Variants in ITGAE observed in about 807,000 individuals in gnomAD.
The protein encoded by ITGAE is integrin alpha-E.
Under a neutral mutation model 136.5 loss-of-function variants are expected in ITGAE, and 99 were observed. The observed-to-expected ratio is 0.73, with a 90% CI of 0.62 to 0.86. The LOEUF (loss-of-function observed/expected upper bound fraction) is 0.86, where lower values mean the gene tolerates loss of function less well. Ranked by LOEUF, ITGAE falls within the 40% of genes least tolerant of loss-of-function variation. The pLI, the probability that ITGAE is intolerant of heterozygous loss-of-function variation, is 0.00. For missense variants in ITGAE, 1,447 were observed against 1,515.3 expected, an observed-to-expected ratio of 0.95 and a Z score of 0.75; for synonymous variants, 613 against 591.8, an observed-to-expected ratio of 1.04 and a Z score of -0.52.
chr17:3,780,154 T>C (rs1473156558), intron 1 of ITGAE, among the ~76,000 whole-genome samples: 1 of 150,278 alleles, frequency 6.7e-6, no homozygotes, highest in Non-Finnish European at 1.5e-5. Flanking sequence ...TTGGTTTTTT[T>C]GTTTGTTTGT....
chr17:3,715,268 C>T (rs2050920813), intron 30 of ITGAE, among the ~76,000 whole-genome samples: 1 of 152,078 alleles, frequency 6.6e-6, no homozygotes, highest in Admixed American at 6.6e-5. Flanking sequence ...CTCAGTATAG[C>T]CTATGATGCT....
At chr17:3,725,632 A>G in intron 26 of ITGAE, 1 of 1,610,376 alleles carries the variant, frequency 6.2e-7, no homozygotes. Flanking sequence ...CACTGTGTCC[A>G]GGGATCTTAC....
At chr17:3,737,612 G>A (rs1437987498) in intron 20 of ITGAE, among the ~76,000 whole-genome samples, 1 of 152,182 alleles carries the variant, frequency 6.6e-6, no homozygotes, top group African/African-American at 2.4e-5. Flanking sequence ...ACACATCTTA[G>A]AGCTCAGGCG....
chr17:3,716,082 G>C (rs969856942), intron 30 of ITGAE, among the ~76,000 whole-genome samples: 3 of 151,858 alleles, frequency 2.0e-5, no homozygotes, highest in African/African-American at 7.3e-5. Context: ...TCTTGAACCC[G>C]GGGTCAGGGT....
At position 3,714,925 on chromosome 17, in the gene ITGAE, T is replaced by A. The variant is rs2050914364; in HGVS notation, c.3462A>T (p.Arg1154Ser). 1 of 1,605,602 alleles carries A rather than the reference T, an allele frequency of 6.2e-7. No homozygotes were observed. Among genetic ancestry groups the A allele is most frequent in the African/African-American group, 1.3e-5 (1 of 74,774 alleles). Reference sequence around the variant, plus strand: ...TCTCCAAGTTCAGTTGTTGATATTTTCTTTTAAAAAAGCCACACTGAAACA... The same window carrying A: ...TCTCCAAGTTCAGTTGTTGATATTTACTTTTAAAAAAGCCACACTGAAACA... The part of the protein sequence containing the change: ...VILFKCGFFK[R>S]KYQQLNLESI... The change falls in exon 31 of 31, where the codon AGA becomes AGT. Residue 1154 changes from arginine to serine, a missense_variant. Around this residue, in one of 3 missense-constraint regions of ITGAE, gnomAD observed 1,031 missense variants for 1,011.4 expected, o/e 1.02. Coordinates refer to ENST00000263087, the MANE Select transcript of ITGAE (RefSeq NM_002208.5).
chr17:3,799,797 C>T lies in ITGAE; in HGVS notation c.34+1314G>A, dbSNP rs2053205940. ...AAAAGGAAGTTCAACAAACTGTTGA[C>T]CTTTCCATGGTGACTATTCTGATGT... On this transcript the variant is annotated intron_variant, in intron 1 of 30. Transcript: ENST00000263087. This position sits in a 1 kb window ranked among gnomAD's most constrained non-coding sequence, Gnocchi z 4.1. 6.6e-6 allele frequency among the ~76,000 whole-genome samples: 1 copy of T among 152,226 alleles called. No homozygotes were observed. The highest frequency in any genetic ancestry group is 2.4e-5 in the African/African-American group (1 of 41,458).
chr17:3,724,219 C>T, intron 26 of ITGAE: 1 of 1,593,634 alleles, frequency 6.3e-7, no homozygotes, highest in East Asian at 2.2e-5. Flanking sequence ...CCCAGCCTGA[C>T]CGTGACCCCA....
Position 3,790,368 on chromosome 17 carries a change from G to A in ITGAE, c.34+10743C>T, listed in dbSNP as rs759899616. 2.8e-4 allele frequency among the ~76,000 whole-genome samples: 42 copies of A among 152,144 alleles called. 1 individual carries two copies. The highest frequency in any genetic ancestry group is 9.6e-4 in the African/African-American group (40 of 41,500). On this transcript the variant is annotated intron_variant, in intron 1 of 30. Transcript: ENST00000263087. ...CTAAAAATACAAAAATTAGCTGGGC[G>A]TAGTGGCGCATGCCTGTAGTCCTAG...
intron 24 of ITGAE, among the ~76,000 whole-genome samples, chr17:3,729,097 G>A (rs997344944): frequency 6.6e-6 from 1 of 151,646 alleles, no homozygotes; most frequent in Non-Finnish European, 1.5e-5. Flanking sequence ...TGGTCGTAGC[G>A]CAGTTGGGGT....
intron 16 of ITGAE, among the ~76,000 whole-genome samples, chr17:3,749,973 A>G (rs2051822897): frequency 6.6e-6 from 1 of 151,966 alleles, no homozygotes; most frequent in South Asian, 2.1e-4. Context: ...CCAAGATTAC[A>G]CCACTGCACT....
intron 1 of ITGAE, among the ~76,000 whole-genome samples, chr17:3,780,051 G>A (rs1469663397): frequency 1.3e-5 from 2 of 152,042 alleles, no homozygotes; most frequent in South Asian, 2.1e-4. Context: ...TCGGCTCACC[G>A]CAACCTCTGC....
In ITGAE at chr17:3,801,052, A is replaced by G. The variant is rs2053247124; in HGVS notation, c.34+59T>C. 3.8e-6 allele frequency: 6 copies of G among 1,588,486 alleles called. No homozygotes were observed. The South Asian group carries it at 5.5e-5, about 15-fold the overall frequency. On this transcript the variant is annotated intron_variant, in intron 1 of 30. Coordinates refer to ENST00000263087, the MANE Select transcript of ITGAE (RefSeq NM_002208.5). ...AGACAGTCAAGGCTGTAGTCTGCAG[A>G]CACCTGGCTGGAGCTGAGGGCACAG...
chr17:3,759,861 G>C (rs1007955599), intron 7 of ITGAE, among the ~76,000 whole-genome samples: 2 of 152,296 alleles, frequency 1.3e-5, no homozygotes, highest in African/African-American at 4.8e-5. Context: ...TTAGAGACTT[G>C]AAAAATACTT....
chr17:3,733,344 C>T (rs145555384), intron 21 of ITGAE, among the ~76,000 whole-genome samples: 13 of 152,076 alleles, frequency 8.5e-5, no homozygotes, highest in Non-Finnish European at 7.4e-5. Flanking sequence ...CTAAGATGAC[C>T]GGGGACAAAT....
rs552415152 is a variant in ITGAE at position 3,799,509 on chromosome 17, T to C, written c.34+1602A>G. ...AAAGGAGACAGATGAGCCACAGGAGTATTCTGGAGCTGGGAGGCAGGACAG... is the reference window on the plus strand; with the variant it reads ...AAAGGAGACAGATGAGCCACAGGAGCATTCTGGAGCTGGGAGGCAGGACAG... On this transcript the variant is annotated intron_variant, in intron 1 of 30. Transcript: ENST00000263087. The surrounding 1 kb of genome is among the most constrained non-coding windows in gnomAD (Gnocchi z 4.1). Among the ~76,000 whole-genome samples the C allele has an allele frequency of 6.6e-6, 1 of 152,112 alleles. No homozygotes were observed. Among genetic ancestry groups the C allele is most frequent in the South Asian group, 2.1e-4 (1 of 4,824 alleles).
At chr17:3,749,211 T>C (rs1275512183) in intron 16 of ITGAE, among the ~76,000 whole-genome samples, 1 of 149,976 alleles carries the variant, frequency 6.7e-6, no homozygotes, top group East Asian at 2.0e-4. Context: ...GAGGGCAGGA[T>C]AGATTTGGGG....
chr17:3,715,727 T>G (rs887610806), intron 30 of ITGAE, among the ~76,000 whole-genome samples: 5 of 151,926 alleles, frequency 3.3e-5, no homozygotes, highest in Non-Finnish European at 7.4e-5. Context: ...TGTGGTGGCA[T>G]GCACCTGAGT....
rs1002172295 is a variant in ITGAE at position 3,765,285 on chromosome 17, G to C, written c.156-1325C>G. The stretch of plus-strand genomic sequence containing the variant: ...AATGGTGTGAACCCAGGAGGCAGAG[G>C]TTGCAGTGAGCCGAGATCACGCCAC... On this transcript the variant is annotated intron_variant, in intron 2 of 30. Transcript: ENST00000263087. Among the ~76,000 whole-genome samples the C allele has an allele frequency of 8.8e-5, 12 of 136,038 alleles. No homozygotes were observed. The Admixed American group carries it at 9.4e-4, about 11-fold the overall frequency. The allele number at this position is 136,038 out of a possible 152,430, so 89.2% of individuals were successfully genotyped here.
chr17:3,767,199 C>A (rs569121420), intron 2 of ITGAE, among the ~76,000 whole-genome samples: 2 of 151,900 alleles, frequency 1.3e-5, no homozygotes, highest in African/African-American at 4.8e-5. Flanking sequence ...TGGGTTCAGG[C>A]GATTCTCCTG....
Sources: gnomAD v4.1 joint callset for allele counts (sites outside exome capture counted in the v4.1 genomes callset) on GRCh38, gnomAD v4.1.1 for gene constraint, gnomAD v4.1.1 regional missense constraint, Gnocchi (gnomAD v3.1) non-coding constraint, MANE v1.5 for transcripts, NCBI Gene and HGNC (gene_info 2026-07-23, HGNC 2026-07-21) for gene names.